Variants in EMC2 observed in about 807,000 individuals in gnomAD.
The protein encoded by EMC2 is TPR repeat protein 35.
Under a neutral mutation model 51.6 loss-of-function variants are expected in EMC2, and 37 were observed. That is an observed-to-expected ratio of 0.72 (90% CI 0.55 to 0.94). The LOEUF (loss-of-function observed/expected upper bound fraction) is 0.94. Among genes scored for constraint, EMC2 ranks in the 40% least tolerant of loss-of-function variants. The probability of loss-of-function intolerance (pLI) is 0.00; values close to 1 mark genes in which losing one functional copy is unlikely to be tolerated. For synonymous variants in EMC2, 131 were observed against 112.4 expected, an observed-to-expected ratio of 1.17 and a Z score of -1.04; for missense variants, 359 against 350.9, an observed-to-expected ratio of 1.02 and a Z score of -0.18.
intron 1 of EMC2, among the ~76,000 whole-genome samples, chr8:108,445,109 G>T (rs1437303913): frequency 6.6e-6 from 1 of 152,158 alleles, no homozygotes; most frequent in Non-Finnish European, 1.5e-5. Context: ...AACAGACAAG[G>T]TGATTTAACT....
At chr8:108,445,190 AACT>A (rs1418747012) in intron 1 of EMC2, among the ~76,000 whole-genome samples, 2 of 152,242 alleles carry the variant, frequency 1.3e-5, no homozygotes, top group Admixed American at 6.5e-5. Flanking sequence ...AATAAATAAT[AACT>A]ACTACACAAA....
chr8:108,447,343 C>T (rs2130327117), intron 1 of EMC2, among the ~76,000 whole-genome samples: 1 of 152,078 alleles, frequency 6.6e-6, no homozygotes, highest in South Asian at 2.1e-4. Context: ...TAACCCTTTC[C>T]TTTTTCAAAT....
chr8:108,465,677 A>G (rs936337642), intron 5 of EMC2, among the ~76,000 whole-genome samples: 1 of 152,196 alleles, frequency 6.6e-6, no homozygotes, highest in Non-Finnish European at 1.5e-5. Context: ...GTTTATTCAG[A>G]ACATCGATTA....
At chr8:108,457,716 G>A (rs1047327284) in intron 5 of EMC2, among the ~76,000 whole-genome samples, 2 of 152,134 alleles carry the variant, frequency 1.3e-5, no homozygotes, top group African/African-American at 4.8e-5. Context: ...TGACATATGT[G>A]AATTGTGGAA....
At chr8:108,448,573 T>A (rs540991951) in intron 1 of EMC2, among the ~76,000 whole-genome samples, 11 of 152,330 alleles carry the variant, frequency 7.2e-5, no homozygotes, top group African/African-American at 2.6e-4. Context: ...CCTGCTGCCA[T>A]CCACGTAGGA....
At position 108,476,817 on chromosome 8, in the gene EMC2, A is replaced by G; in HGVS notation, c.627A>G (p.Glu209=). The stretch of plus-strand genomic sequence containing the variant: ...CCCAAGGTGGACTTGAAAACCTCGA[A>G]CTTTCAAGAAAGTATTTTGCACAGG... The part of the protein sequence containing the change: ...KYTQGGLENL[E]LSRKYFAQAL... The change falls in exon 9 of 11, where the codon GAA becomes GAG. Residue 209 remains glutamate (E), a synonymous_variant. Coordinates refer to ENST00000220853, the MANE Select transcript of EMC2 (RefSeq NM_014673.5). 3.1e-6 allele frequency: 5 copies of G among 1,606,292 alleles called. No individual in the cohort carries two copies. Among genetic ancestry groups the G allele is most frequent in the Non-Finnish European group, 2.6e-6 (3 of 1,173,666 alleles).
intron 10 of EMC2, among the ~76,000 whole-genome samples, chr8:108,483,654 A>G (rs1811085682): frequency 6.6e-6 from 1 of 152,206 alleles, no homozygotes; most frequent in Non-Finnish European, 1.5e-5. Flanking sequence ...ATTACAATGC[A>G]TGAATCACTG....
chr8:108,482,896 T>C (rs1436230648), intron 10 of EMC2, among the ~76,000 whole-genome samples: 1 of 152,068 alleles, frequency 6.6e-6, no homozygotes, highest in African/African-American at 2.4e-5. Context: ...CTGGAATTGA[T>C]TTTTATGTAT....
chr8:108,459,228 T>C (rs1819245881), intron 5 of EMC2, among the ~76,000 whole-genome samples: 1 of 152,192 alleles, frequency 6.6e-6, no homozygotes, highest in Admixed American at 6.5e-5. Flanking sequence ...TTTCCCATCT[T>C]CTTCTGACCC....
intron 5 of EMC2, among the ~76,000 whole-genome samples, chr8:108,465,328 C>T (rs1353511718): frequency 1.3e-5 from 2 of 152,180 alleles, no homozygotes; most frequent in Non-Finnish European, 2.9e-5. Flanking sequence ...CCTGTAGCCA[C>T]CTTCCCTTTG....
intron 5 of EMC2, among the ~76,000 whole-genome samples, chr8:108,458,349 C>T (rs1031635406): frequency 6.6e-6 from 1 of 152,194 alleles, no homozygotes; most frequent in African/African-American, 2.4e-5. Flanking sequence ...AGTAGGGACT[C>T]TTGTGTGGGG....
intron 5 of EMC2, among the ~76,000 whole-genome samples, chr8:108,464,959 A>T (rs1384651960): frequency 6.6e-6 from 1 of 152,194 alleles, no homozygotes; most frequent in Non-Finnish European, 1.5e-5. Flanking sequence ...TCAACTGTCC[A>T]GTTCCTTCTG....
At chr8:108,448,277 C>G (rs1259491484) in intron 1 of EMC2, among the ~76,000 whole-genome samples, 1 of 152,148 alleles carries the variant, frequency 6.6e-6, no homozygotes, top group Non-Finnish European at 1.5e-5. Context: ...TATGTAAGGT[C>G]ATGTAAAAGA....
intron 1 of EMC2, 124 bp downstream of exon 1, chr8:108,443,822 G>A: frequency 1.3e-6 from 1 of 794,480 alleles, no homozygotes; most frequent in Non-Finnish European, 2.1e-6. Context: ...CTCACTGTAC[G>A]GGCCAAGCTG....
At chr8:108,472,608 T>C (rs1030127815) in intron 7 of EMC2, among the ~76,000 whole-genome samples, 15 of 151,582 alleles carry the variant, frequency 9.9e-5, no homozygotes, top group Non-Finnish European at 2.1e-4. Context: ...TATCTACAGG[T>C]TTTTTTGAAA....
intron 1 of EMC2, among the ~76,000 whole-genome samples, chr8:108,443,932 A>C (rs530160597): frequency 3.9e-5 from 6 of 152,218 alleles, no homozygotes; most frequent in African/African-American, 1.4e-4. Flanking sequence ...CCTCCGCGCC[A>C]GTCCAGCGTC....
intron 9 of EMC2, among the ~76,000 whole-genome samples, chr8:108,477,654 G>C (rs1254844588): frequency 1.3e-5 from 2 of 151,996 alleles, no homozygotes; most frequent in African/African-American, 4.8e-5. Flanking sequence ...ATGGTTAGAA[G>C]GTGGTTCAAA....
chr8:108,480,990 G>T (rs900432325), intron 10 of EMC2, among the ~76,000 whole-genome samples: 6 of 152,006 alleles, frequency 3.9e-5, no homozygotes, highest in African/African-American at 1.4e-4. Context: ...AATTTGTTTG[G>T]TTTTTGGTTT....
Position 108,449,897 on chromosome 8 carries a change from G to A in EMC2, c.115G>A (p.Glu39Lys). Reference sequence around the variant, plus strand: ...TGAGCAAATTGTGGAAGTTGGAGAAGAATTAATTAATGAATATGCTTCTAA... The same window carrying A: ...TGAGCAAATTGTGGAAGTTGGAGAAAAATTAATTAATGAATATGCTTCTAA... ...NSEQIVEVGEELINEYASKLG... is the reference protein window; with the variant it reads ...NSEQIVEVGEKLINEYASKLG... Residue 39 changes from glutamate to lysine, a missense_variant, in exon 2 of 11, where the codon GAA (glutamate) becomes AAA (lysine). Transcript: ENST00000220853. 6.3e-7 allele frequency: 1 copy of A among 1,590,516 alleles called. No homozygotes were observed. The highest frequency in any genetic ancestry group is 1.1e-5 in the South Asian group (1 of 90,300).
Sources: gnomAD v4.1 joint callset for allele counts (sites outside exome capture counted in the v4.1 genomes callset) on GRCh38, gnomAD v4.1.1 for gene constraint, MANE v1.5 for transcripts, NCBI Gene and HGNC (gene_info 2026-07-23, HGNC 2026-07-21) for gene names.